COG6: variants seen among roughly 807,000 people sequenced by gnomAD.
COG6 encodes the protein component of oligomeric golgi complex 6, also known as conserved oligomeric Golgi complex subunit 6.
In COG6, 74 loss-of-function variants were observed where a neutral mutation model predicts 88.8. That is an observed-to-expected ratio of 0.83 (90% confidence interval 0.69 to 1.01). The LOEUF (loss-of-function observed/expected upper bound fraction) is 1.01. Among genes scored for constraint, COG6 ranks in the 50% least tolerant of loss-of-function variants. The probability of loss-of-function intolerance (pLI) is 0.00; values close to 1 mark genes in which losing one functional copy is unlikely to be tolerated. For synonymous variants in COG6, 286 were observed against 278.7 expected, an observed-to-expected ratio of 1.03 and a Z score of -0.26; for missense variants, 800 against 797.9, an observed-to-expected ratio of 1.00 and a Z score of -0.03.
chr13:39,752,374 CT>C lies in COG6; in HGVS notation c.*1286del. 2.1e-6 allele frequency: 2 copies of C among 950,224 alleles called. No individual in the cohort carries two copies. Among genetic ancestry groups the C allele is most frequent in the Admixed American group, 3.1e-5 (1 of 32,136 alleles). The allele number at this position is 950,224 out of a possible 1,614,324, so 58.9% of individuals were successfully genotyped here. On this transcript the variant is annotated 3_prime_UTR_variant, in exon 19 of 19. Coordinates refer to ENST00000455146, the MANE Select transcript of COG6 (RefSeq NM_020751.3). ...ATAATTGTTTATACCTAATACAGTTCTTTTTGGAGTAAGAATGATTATATAA... is the reference window on the plus strand; with the variant it reads ...ATAATTGTTTATACCTAATACAGTTCTTTTGGAGTAAGAATGATTATATAA...
intron 18 of COG6, among the ~76,000 whole-genome samples, chr13:39,770,720 G>A (rs1240322891): frequency 1.3e-5 from 2 of 152,204 alleles, no homozygotes; most frequent in Non-Finnish European, 2.9e-5. Flanking sequence ...AAAGTTCACT[G>A]TCAAATTTGC....
intron 13 of COG6, among the ~76,000 whole-genome samples, chr13:39,706,255 T>TTATATA (rs71298976): frequency 0.18 from 20,880 of 114,542 alleles, 2,767 homozygotes; most frequent in South Asian, 0.35. Context: ...ATATACTCCT[T>TTATATA]TATATATATA....
At position 39,670,305 on chromosome 13, in the gene COG6, A is replaced by G. The variant is rs147572023; in HGVS notation, c.428+5151A>G. On this transcript the variant is annotated intron_variant, in intron 4 of 18. Coordinates refer to ENST00000455146, the MANE Select transcript of COG6 (RefSeq NM_020751.3). The stretch of plus-strand genomic sequence containing the variant: ...TTAAAATACTACTAAAATCACTATT[A>G]TATTTTTATTATCTCTTATAAAGGC... Among the ~76,000 whole-genome samples the G allele has an allele frequency of 1.4e-3, 211 of 152,216 alleles. 2 individuals carry two copies. Among genetic ancestry groups the G allele is most frequent in the African/African-American group, 4.9e-3 (202 of 41,574 alleles).
At chr13:39,670,842 T>C (rs1191515436) in intron 4 of COG6, among the ~76,000 whole-genome samples, 1 of 152,118 alleles carries the variant, frequency 6.6e-6, no homozygotes, top group African/African-American at 2.4e-5. Context: ...TTTTAATTTA[T>C]TTTTATTGCA....
In COG6 at chr13:39,751,753, A is replaced by G; in HGVS notation, c.*660A>G. 7.8e-7 allele frequency: 1 copy of G among 1,287,080 alleles called. No homozygotes were observed. The highest frequency in any genetic ancestry group is 1.0e-6 in the Non-Finnish European group (1 of 988,594). 79.7% of individuals were successfully genotyped at this position (1,287,080 alleles called of 1,614,324 possible). A position where few individuals can be genotyped will look rare whatever the true frequency, so the allele number is the denominator to read the frequency against. ...ACTCAGCAATAATTAGAAAAAAAGG[A>G]GAGAGAAAAGTGATTTAAACAGGGT... On this transcript the variant is annotated 3_prime_UTR_variant, in exon 19 of 19. Transcript: ENST00000455146.
intron 13 of COG6, among the ~76,000 whole-genome samples, chr13:39,711,118 T>C (rs1335213771): frequency 6.6e-6 from 1 of 152,050 alleles, no homozygotes; most frequent in African/African-American, 2.4e-5. Flanking sequence ...ACCTGTAACA[T>C]GTAAGAATCA....
chr13:39,775,734 A>G (rs879190797), intron 18 of COG6, among the ~76,000 whole-genome samples: 5 of 152,200 alleles, frequency 3.3e-5, no homozygotes, highest in Admixed American at 1.3e-4. Flanking sequence ...AAAAGCTGGA[A>G]ATATCCTAAA....
chr13:39,773,552 C>A (rs1482197419), intron 18 of COG6, among the ~76,000 whole-genome samples: 2 of 152,102 alleles, frequency 1.3e-5, no homozygotes, highest in Non-Finnish European at 2.9e-5. Flanking sequence ...TTTAGATTGG[C>A]GGCACCCATT....
intron 13 of COG6, among the ~76,000 whole-genome samples, chr13:39,707,450 A>G (rs1204404030): frequency 1.3e-5 from 2 of 152,184 alleles, no homozygotes; most frequent in South Asian, 2.1e-4. Flanking sequence ...AACTGCAGAT[A>G]TAGTACCCAA....
chr13:39,707,213 C>G (rs945570199), intron 13 of COG6, among the ~76,000 whole-genome samples: 4 of 151,246 alleles, frequency 2.6e-5, no homozygotes, highest in African/African-American at 9.7e-5. Flanking sequence ...ACTGCAGCTT[C>G]TGCCTCCCGG....
In COG6 at chr13:39,687,380, C is replaced by T. The variant is rs754693500; in HGVS notation, c.789-123C>T. ...TTGTTTGAAAGCAATGTTGCTTGAC[C>T]GAATATCTAAAGGAGCTTTAAGTGC... On this transcript the variant is annotated intron_variant, in intron 8 of 18. Coordinates refer to ENST00000455146, the MANE Select transcript of COG6 (RefSeq NM_020751.3). The T allele has an allele frequency of 1.6e-4, 133 of 847,626 alleles. 1 individual carries two copies. The Middle Eastern group carries it at 4.0e-3, about 25-fold the overall frequency. 52.5% of individuals were successfully genotyped at this position (847,626 alleles called of 1,614,324 possible). A position where few individuals can be genotyped will look rare whatever the true frequency, so the allele number is the denominator to read the frequency against.
At chr13:39,782,482 C>A (rs1440219498) in intron 18 of COG6, among the ~76,000 whole-genome samples, 1 of 152,172 alleles carries the variant, frequency 6.6e-6, no homozygotes, top group Admixed American at 6.5e-5. Flanking sequence ...GGAGGCCCCC[C>A]TCTTGTCCAG....
At chr13:39,788,454 A>C in exon 19 of COG6, 1 of 1,192,326 alleles carries the variant, frequency 8.4e-7, no homozygotes, top group African/African-American at 1.5e-5. Context: ...TGGCTATAGA[A>C]ATGTGGCCAG....
At chr13:39,684,288 G>A (rs1225518645) in intron 8 of COG6, among the ~76,000 whole-genome samples, 1 of 110,896 alleles carries the variant, frequency 9.0e-6, no homozygotes, top group African/African-American at 3.6e-5. Flanking sequence ...TCTAGCTGTC[G>A]CCCAGGCTGG....
downstream of COG6, among the ~76,000 whole-genome samples, chr13:39,755,460 A>C (rs1254078351): frequency 1.3e-5 from 2 of 152,204 alleles, no homozygotes; most frequent in Non-Finnish European, 2.9e-5. Flanking sequence ...ATTTATTTAA[A>C]ACATTTACCT....
downstream of COG6, among the ~76,000 whole-genome samples, chr13:39,754,304 A>G (rs987901088): frequency 6.6e-6 from 1 of 152,220 alleles, no homozygotes; most frequent in Admixed American, 6.5e-5. Context: ...AGATATATCC[A>G]TATGATGGAG....
intron 7 of COG6, 61 bp from the exon 8 acceptor site, chr13:39,682,110 A>G: frequency 8.4e-7 from 1 of 1,195,266 alleles, no homozygotes; most frequent in Non-Finnish European, 1.2e-6. Flanking sequence ...CTGGAATGCA[A>G]CAGACATAAT....
At chr13:39,778,895 A>G (rs1280667080) in intron 18 of COG6, among the ~76,000 whole-genome samples, 1 of 152,146 alleles carries the variant, frequency 6.6e-6, no homozygotes, top group African/African-American at 2.4e-5. Context: ...AAAGTGAGAA[A>G]TCCATGAGAA....
At chr13:39,704,130 T>C (rs1239688809) in intron 13 of COG6, among the ~76,000 whole-genome samples, 6 of 152,196 alleles carry the variant, frequency 3.9e-5, no homozygotes, top group South Asian at 4.1e-4. Context: ...CCCAAGTGGT[T>C]ATCCATTTAT....
Sources: gnomAD v4.1 joint callset for allele counts (sites outside exome capture counted in the v4.1 genomes callset) on GRCh38, gnomAD v4.1.1 for gene constraint, MANE v1.5 for transcripts, NCBI Gene and HGNC (gene_info 2026-07-23, HGNC 2026-07-21) for gene names.